The following GSTT4 variants were observed in gnomAD, a reference collection of about 807,000 sequenced individuals.
The protein encoded by GSTT4 is glutathione S-transferase theta 4.
chr22:24,001,516 T>C (rs2034230176), intron 2 of GSTT4, among the ~76,000 whole-genome samples, 191 bp from the exon 3 acceptor site: 4 of 151,372 alleles, frequency 2.6e-5, no homozygotes, highest in Admixed American at 2.6e-4. Context: ...CCCTGCGGGG[T>C]GAGTAGGAGT....
At chr22:23,992,527 C>T in the GSTT4 span, among the ~76,000 whole-genome samples, 1 of 144,348 alleles carries the variant, frequency 6.9e-6, no homozygotes, top group Non-Finnish European at 1.5e-5. Flanking sequence ...GCAGTGTCGG[C>T]CTTGTGGGCC....
At chr22:24,003,148 TTG>T (rs2034273090) in intron 2 of GSTT4, among the ~76,000 whole-genome samples, 1 of 152,224 alleles carries the variant, frequency 6.6e-6, no homozygotes, top group Admixed American at 6.5e-5. Context: ...TGCTTTTTTT[TTG>T]TTTGTTTTAA....
intron 2 of GSTT4, among the ~76,000 whole-genome samples, chr22:24,003,140 C>CTTTTTTTTT (rs1032425765): frequency 1.6e-4 from 23 of 140,048 alleles, no homozygotes; most frequent in South Asian, 9.5e-4. Context: ...CAGCCTGTTG[C>CTTTTTTTTT]TTTTTTTTTG....
chr22:23,992,431 G>A, the GSTT4 span, among the ~76,000 whole-genome samples: 1 of 150,142 alleles, frequency 6.7e-6, no homozygotes, highest in African/African-American at 2.5e-5. Flanking sequence ...CCGAAAATAA[G>A]GCTTAGGGAT....
intron 1 of GSTT4, chr22:24,004,760 G>C (rs1169431287): frequency 6.5e-6 from 1 of 153,144 alleles, no homozygotes. Flanking sequence ...ACTGTCATTA[G>C]TGAGCACTGA....
intron 2 of GSTT4, among the ~76,000 whole-genome samples, chr22:24,003,072 C>T (rs996316573): frequency 1.3e-5 from 2 of 152,230 alleles, no homozygotes; most frequent in Admixed American, 6.5e-5. Flanking sequence ...TGGCCTCAAG[C>T]GATCCTCCCG....
chr22:23,992,245 T>C, the GSTT4 span, among the ~76,000 whole-genome samples: 4 of 141,422 alleles, frequency 2.8e-5, no homozygotes, highest in Non-Finnish European at 6.2e-5. Context: ...TGTTACACTC[T>C]AGCTAACGCC....
chr22:24,002,542 A>C (rs939786767), intron 2 of GSTT4, among the ~76,000 whole-genome samples: 10 of 152,236 alleles, frequency 6.6e-5, no homozygotes, highest in African/African-American at 2.2e-4. Flanking sequence ...AAGACTCAGA[A>C]CTTCTTGGCT....
rs879185995 is a variant in GSTT4 at position 23,998,463 on chromosome 22, T to C, written c.*79A>G. On this transcript the variant is annotated 3_prime_UTR_variant, in exon 5 of 5. Transcript: ENST00000621179. ...TTGTTTTTTTGTTTTTTTGTTTTTT[T>C]TTTTTTAACATTTCCTTTAAGGAAG... The C allele has an allele frequency of 6.7e-5, 3 of 44,966 alleles. No individual in the cohort carries two copies. The highest frequency in any genetic ancestry group is 1.7e-4 in the Non-Finnish European group (3 of 17,742). 2.8% of individuals were successfully genotyped at this position (44,966 alleles called of 1,614,324 possible).
chr22:24,003,142 T>A (rs893464716), intron 2 of GSTT4, among the ~76,000 whole-genome samples: 1 of 152,028 alleles, frequency 6.6e-6, no homozygotes, highest in African/African-American at 2.4e-5. Context: ...GCCTGTTGCT[T>A]TTTTTTTGTT....
rs767922151 is a variant in GSTT4, at chr22:23,998,457, T to TG, written c.*84_*85insC. 6.2e-5 allele frequency: 1 copy of TG among 16,034 alleles called. No homozygotes were observed. Among genetic ancestry groups the TG allele is most frequent in the African/African-American group, 2.3e-4 (1 of 4,356 alleles). The allele number at this position is 16,034 out of a possible 1,614,324, so 1.0% of individuals were successfully genotyped here. A position where few individuals can be genotyped will look rare whatever the true frequency, so the allele number is the denominator to read the frequency against. On this transcript the variant is annotated 3_prime_UTR_variant, in exon 5 of 5. Coordinates refer to ENST00000621179, the MANE Select transcript of GSTT4 (RefSeq NM_001358664.2). ...GAACAGTTGTTTTTTTGTTTTTTTG[T>TG]TTTTTTTTTTTTAACATTTCCTTTA...
At chr22:24,002,750 G>A (rs1344867429) in intron 2 of GSTT4, among the ~76,000 whole-genome samples, 1 of 77,066 alleles carries the variant, frequency 1.3e-5, no homozygotes, top group African/African-American at 3.9e-5. Flanking sequence ...AGAATGGCGT[G>A]AACCCGGGAG....
At chr22:23,995,558 T>G (rs2034108065), downstream of GSTT4, among the ~76,000 whole-genome samples, 1 of 152,192 alleles carries the variant, frequency 6.6e-6, no homozygotes, top group Non-Finnish European at 1.5e-5. Context: ...CATGGATTGT[T>G]GAATGTTTCC....
At chr22:24,002,884 G>C (rs1381393038) in intron 2 of GSTT4, among the ~76,000 whole-genome samples, 2 of 150,280 alleles carry the variant, frequency 1.3e-5, no homozygotes, top group Non-Finnish European at 3.0e-5. Context: ...AAACTGCCAA[G>C]AAAATGTTTA....
At chr22:24,001,975 A>G (rs1272857853) in intron 2 of GSTT4, among the ~76,000 whole-genome samples, 4 of 152,396 alleles carry the variant, frequency 2.6e-5, no homozygotes, top group African/African-American at 9.6e-5. Context: ...TGGGCCACAG[A>G]GCAAGACTCT....
At chr22:23,993,344 T>C in the GSTT4 span, among the ~76,000 whole-genome samples, 1 of 152,172 alleles carries the variant, frequency 6.6e-6, no homozygotes, top group Non-Finnish European at 1.5e-5. Flanking sequence ...ATTACAGGTG[T>C]GAGCCACTCT....
chr22:24,003,947 G>GAC, intron 1 of GSTT4, 100 bp from the exon 2 acceptor site: 2 of 153,668 alleles, frequency 1.3e-5, no homozygotes, highest in Non-Finnish European at 2.9e-5. Context: ...TTCTCAAGAA[G>GAC]AGGGAACTGA....
At chr22:24,003,081 C>T (rs113668939) in intron 2 of GSTT4, among the ~76,000 whole-genome samples, 8 of 152,342 alleles carry the variant, frequency 5.3e-5, no homozygotes, top group East Asian at 1.9e-4. Flanking sequence ...GCGATCCTCC[C>T]GTGTCAGCCT....
At chr22:24,003,726 G>C (rs1352035389) in intron 2 of GSTT4, 34 bp downstream of exon 2, 1 of 155,244 alleles carries the variant, frequency 6.4e-6, no homozygotes, top group African/African-American at 2.4e-5. Flanking sequence ...GAGAAGCAGA[G>C]ACAGATGGTG....
Sources: gnomAD v4.1 joint callset for allele counts (sites outside exome capture counted in the v4.1 genomes callset) on GRCh38, gnomAD v4.1.1 for gene constraint, MANE v1.5 for transcripts, NCBI Gene and HGNC (gene_info 2026-07-23, HGNC 2026-07-21) for gene names.